The following PPM1G variants were observed in gnomAD, a reference collection of about 807,000 sequenced individuals.
PPM1G encodes the protein protein phosphatase, Mg2+/Mn2+ dependent 1G, also known as protein phosphatase 1G.
Under a neutral mutation model 59.4 loss-of-function variants are expected in PPM1G, and 12 were observed. The observed-to-expected ratio is 0.20, with a 90% CI of 0.13 to 0.33. The LOEUF is 0.33. PPM1G is among the 10% of genes least tolerant of loss of function. PPM1G has a pLI of 1.00. For synonymous variants in PPM1G, 245 were observed against 251.9 expected (o/e 0.97, Z 0.26); for missense variants, 392 against 681.3 (o/e 0.58, Z 4.73).
Position 27,384,949 on chromosome 2 carries a change from G to C in PPM1G, c.549C>G (p.Ser183=), listed in dbSNP as rs766012472. Residue 183 remains serine, a synonymous_variant, in exon 5 of 10, where the codon TCC becomes TCG. Coordinates refer to ENST00000344034, the MANE Select transcript of PPM1G (RefSeq NM_177983.3). This position sits in a 1 kb window ranked among gnomAD's most constrained non-coding sequence, Gnocchi z 4.8. ...SGGGTGEEPG[S]QGLNGEAGPE... ...GTCCTGCCTCCCCATTGAGGCCCTGGGACCCTGGTTCCTCGCCTGTCCCAC... is the reference window on the plus strand; with the variant it reads ...GTCCTGCCTCCCCATTGAGGCCCTGCGACCCTGGTTCCTCGCCTGTCCCAC... The C allele has an allele frequency of 1.2e-6, 2 of 1,614,174 alleles. No individual in the cohort carries two copies. The highest frequency in any genetic ancestry group is 1.1e-5 in the South Asian group (1 of 91,088).
At chr2:27,408,982 T>C (rs1572672152) in intron 1 of PPM1G, among the ~76,000 whole-genome samples, 1 of 152,150 alleles carries the variant, frequency 6.6e-6, no homozygotes, top group African/African-American at 2.4e-5. Context: ...ACACTAAACC[T>C]CACACCGTTG....
intron 1 of PPM1G, among the ~76,000 whole-genome samples, chr2:27,392,575 T>G (rs115680062): frequency 1.6e-5 from 2 of 127,054 alleles, no homozygotes; most frequent in African/African-American, 3.1e-5. Context: ...GATTTAGGCA[T>G]GAGCCACTAC....
chr2:27,399,588 C>T (rs917454075), intron 1 of PPM1G, among the ~76,000 whole-genome samples: 1 of 152,066 alleles, frequency 6.6e-6, no homozygotes, highest in Non-Finnish European at 1.5e-5. Flanking sequence ...GCAGGAGAAT[C>T]GCTTGAATCT....
chr2:27,393,302 G>A (rs1469136406), intron 1 of PPM1G: 2 of 1,597,914 alleles, frequency 1.3e-6, no homozygotes, highest in Non-Finnish European at 1.7e-6. Flanking sequence ...TGATCTGGCG[G>A]TTGATGGCGG....
At chr2:27,390,537 T>C (rs959823780) in intron 1 of PPM1G, among the ~76,000 whole-genome samples, 2 of 152,022 alleles carry the variant, frequency 1.3e-5, no homozygotes, top group Admixed American at 6.6e-5. Flanking sequence ...CTGGGCAACA[T>C]AGTGAGACCT....
chr2:27,384,207 A>G lies in PPM1G; in HGVS notation c.826-115T>C. On this transcript the variant is annotated intron_variant, in intron 5 of 9. Transcript: ENST00000344034. The surrounding 1 kb of genome is among the most constrained non-coding windows in gnomAD (Gnocchi z 4.8). ...ACACAGGTCCTCAAAACACTGAAAG[A>G]TACAAGTATATGGTCATGAAAATTG... 1 of 1,509,268 alleles carries G rather than the reference A, an allele frequency of 6.6e-7. No individual in the cohort carries two copies. Among genetic ancestry groups the G allele is most frequent in the South Asian group, 1.3e-5 (1 of 79,424 alleles). 93.5% of individuals were successfully genotyped at this position (1,509,268 alleles called of 1,614,324 possible).
intron 1 of PPM1G, among the ~76,000 whole-genome samples, chr2:27,401,460 G>T (rs931677325): frequency 1.3e-5 from 2 of 152,186 alleles, no homozygotes; most frequent in Non-Finnish European, 2.9e-5. Context: ...GGAGTGACTG[G>T]TAAAGAGTAC....
At chr2:27,394,119 A>G (rs940915343) in intron 1 of PPM1G, among the ~76,000 whole-genome samples, 2 of 150,118 alleles carry the variant, frequency 1.3e-5, no homozygotes, top group Non-Finnish European at 3.0e-5. Context: ...CTGGTCTCGA[A>G]CTCCTGACCT....
In PPM1G at chr2:27,397,155, C is replaced by T. The variant is rs1684071061; in HGVS notation, c.121-9997G>A. ...AAGTGCTGGGATTACAGGCGTGAGCCACCATGCCCAGCCACAATGAAAATT... is the reference window on the plus strand; with the variant it reads ...AAGTGCTGGGATTACAGGCGTGAGCTACCATGCCCAGCCACAATGAAAATT... On this transcript the variant is annotated intron_variant, in intron 1 of 9. Coordinates refer to ENST00000344034, the MANE Select transcript of PPM1G (RefSeq NM_177983.3). 2.0e-5 allele frequency among the ~76,000 whole-genome samples: 3 copies of T among 152,108 alleles called. No individual in the cohort carries two copies. The South Asian group carries it at 6.2e-4, about 32-fold the overall frequency.
chr2:27,409,230 C>T, intron 1 of PPM1G, 73 bp downstream of exon 1: 1 of 1,496,412 alleles, frequency 6.7e-7, no homozygotes. Flanking sequence ...AGGGGAGGAC[C>T]CCATCCCCCG....
rs2148418599 is a variant in PPM1G, at chr2:27,385,271, T to C, written c.410-183A>G. 2 of 621,486 alleles carry C rather than the reference T, an allele frequency of 3.2e-6. No homozygotes were observed. Among genetic ancestry groups the C allele is most frequent in the Non-Finnish European group, 2.6e-6 (1 of 381,656 alleles). 38.5% of individuals were successfully genotyped at this position (621,486 alleles called of 1,614,324 possible). On this transcript the variant is annotated intron_variant, in intron 4 of 9. Coordinates refer to ENST00000344034, the MANE Select transcript of PPM1G (RefSeq NM_177983.3). This position sits in a 1 kb window ranked among gnomAD's most constrained non-coding sequence, Gnocchi z 4.1. ...CTCCTCCTCCACAGACTTCTTTTGGTTTTTGTGTTTCATCCCCTTCTTAAT... is the reference window on the plus strand; with the variant it reads ...CTCCTCCTCCACAGACTTCTTTTGGCTTTTGTGTTTCATCCCCTTCTTAAT...
intron 1 of PPM1G, among the ~76,000 whole-genome samples, chr2:27,394,567 A>G (rs1246975946): frequency 6.6e-6 from 1 of 151,660 alleles, no homozygotes; most frequent in African/African-American, 2.4e-5. Flanking sequence ...CATCTCTACT[A>G]AAAATACAAA....
At chr2:27,401,925 T>C (rs1684188444) in intron 1 of PPM1G, among the ~76,000 whole-genome samples, 1 of 152,146 alleles carries the variant, frequency 6.6e-6, no homozygotes, top group Non-Finnish European at 1.5e-5. Context: ...CACTGAATTA[T>C]ACTCTTAAAG....
At chr2:27,391,452 A>G (rs544682265) in intron 1 of PPM1G, among the ~76,000 whole-genome samples, 157 of 152,156 alleles carry the variant, frequency 1.0e-3, no homozygotes, top group Non-Finnish European at 2.0e-3. Context: ...GCGTTTTTTC[A>G]TGTTTGTGGG....
At chr2:27,381,872 C>G (rs1029557170) in intron 9 of PPM1G, 67 bp from the exon 10 acceptor site, 3 of 1,524,430 alleles carry the variant, frequency 2.0e-6, no homozygotes, top group Non-Finnish European at 2.7e-6. Flanking sequence ...TACAGTCCCA[C>G]AAGAGGGCTG....
intron 9 of PPM1G, 41 bp from the exon 10 acceptor site, chr2:27,381,846 C>A: frequency 6.3e-7 from 1 of 1,593,486 alleles, no homozygotes; most frequent in Non-Finnish European, 8.6e-7. Flanking sequence ...AGGGTTTGAA[C>A]ACCTTGCCAG....
Position 27,382,706 on chromosome 2 carries a change from T to C in PPM1G, c.1202-101A>G. On this transcript the variant is annotated intron_variant, in intron 7 of 9. Transcript: ENST00000344034. This position sits in a 1 kb window ranked among gnomAD's most constrained non-coding sequence, Gnocchi z 4.2. Reference sequence around the variant, plus strand: ...CATTCATTTCCCTTCTTTACAAAGTTCCATAATCTAGTGGAATGGGGAACT... The same window carrying C: ...CATTCATTTCCCTTCTTTACAAAGTCCCATAATCTAGTGGAATGGGGAACT... 1 of 1,466,520 alleles carries C rather than the reference T, an allele frequency of 6.8e-7. No individual in the cohort carries two copies. The highest frequency in any genetic ancestry group is 2.3e-5 in the East Asian group (1 of 43,928). The allele number at this position is 1,466,520 out of a possible 1,614,324, so 90.8% of individuals were successfully genotyped here. A position where few individuals can be genotyped will look rare whatever the true frequency, so the allele number is the denominator to read the frequency against.
Position 27,383,928 on chromosome 2 carries a change from T to A in PPM1G, c.966+24A>T. On this transcript the variant is annotated intron_variant, in intron 6 of 9. Transcript: ENST00000344034. The surrounding 1 kb of genome is among the most constrained non-coding windows in gnomAD (Gnocchi z 5.0). ...CACCTGCCTTGTGGCTTTTCAAGAC[T>A]CATTGCTCCCCTTCCCCACACACCT... The A allele has an allele frequency of 6.4e-7, 1 of 1,551,528 alleles. No homozygotes were observed. The highest frequency in any genetic ancestry group is 1.7e-4 in the Middle Eastern group (1 of 5,988).
chr2:27,383,994 T>G lies in PPM1G; in HGVS notation c.924A>C (p.Glu308Asp), dbSNP rs1271741013. The G allele has an allele frequency of 3.2e-6, 5 of 1,564,830 alleles. No homozygotes were observed. In the South Asian group the frequency reaches 4.7e-5, roughly 15 times the overall value. Residue 308 changes from glutamate to aspartate, a missense_variant, in exon 6 of 10, where the codon GAA (glutamate) becomes GAC (aspartate). Glu to Asp is a conservative substitution (Grantham distance 45, BLOSUM62 2). This residue lies in a region of PPM1G where 188 missense variants were observed against 248.8 expected (regional missense o/e 0.76). Transcript: ENST00000344034. The surrounding 1 kb of genome is among the most constrained non-coding windows in gnomAD (Gnocchi z 5.0). Reference protein sequence around the residue: ...TEEAEEDDEEEEEEMMVPGME... With the variant: ...TEEAEEDDEEDEEEMMVPGME... Reference sequence around the variant, plus strand: ...TCCCTGGCACCATCATCTCTTCTTCTTCTTCTTCATCGTCCTCTTCAGCCT... The same window carrying G: ...TCCCTGGCACCATCATCTCTTCTTCGTCTTCTTCATCGTCCTCTTCAGCCT...
Sources: allele counts gnomAD v4.1 joint callset (sites outside exome capture counted in the v4.1 genomes callset), GRCh38; gene constraint gnomAD v4.1.1; regional missense constraint gnomAD v4.1.1; non-coding constraint Gnocchi (gnomAD v3.1); transcripts MANE v1.5; gene names NCBI Gene and HGNC (gene_info 2026-07-23, HGNC 2026-07-21).